Variants in CDH11 observed in about 807,000 individuals in gnomAD.
CDH11 encodes the protein cadherin 11, also known as cadherin-11.
Under a neutral mutation model 67.8 loss-of-function variants are expected in CDH11, and 11 were observed. The ratio of observed to expected loss-of-function variants is 0.16; its 90% confidence interval spans 0.10 to 0.27. The LOEUF is 0.27. Ranked by LOEUF, CDH11 falls within the 10% of genes least tolerant of loss-of-function variation. CDH11 has a pLI of 1.00. For synonymous variants in CDH11, 419 were observed against 400.0 expected (o/e 1.05, Z -0.57); for missense variants, 847 against 1,031.2 (o/e 0.82, Z 2.45).
chr16:65,101,106 C>G (rs2074983395), intron 1 of CDH11, among the ~76,000 whole-genome samples: 1 of 152,134 alleles, frequency 6.6e-6, no homozygotes, highest in Non-Finnish European at 1.5e-5. Context: ...AGCTTTTATC[C>G]ATTACTCAGA....
chr16:64,989,338 T>C (rs1401019101), intron 6 of CDH11, among the ~76,000 whole-genome samples: 1 of 152,038 alleles, frequency 6.6e-6, no homozygotes, highest in African/African-American at 2.4e-5. Context: ...TGAGTTTGTG[T>C]ATGTGTATGA....
chr16:65,064,848 T>C (rs367635378), intron 1 of CDH11, among the ~76,000 whole-genome samples: 2 of 152,212 alleles, frequency 1.3e-5, no homozygotes, highest in East Asian at 1.9e-4. Flanking sequence ...AATGTGATTG[T>C]ATCCAGATAT....
chr16:65,010,971 T>TTA (rs60201838), intron 2 of CDH11, among the ~76,000 whole-genome samples: 38,240 of 127,738 alleles, frequency 0.3, 5,695 homozygotes, highest in Non-Finnish European at 0.38. Flanking sequence ...ATATATGTGT[T>TTA]TATATATATA....
chr16:64,968,339 CTT>C, intron 11 of CDH11: 2 of 671,602 alleles, frequency 3.0e-6, no homozygotes, highest in Non-Finnish European at 3.7e-6. Context: ...TTATCTCAGT[CTT>C]TTTTTTTTCT....
chr16:65,076,899 G>A (rs1451251438), intron 1 of CDH11, among the ~76,000 whole-genome samples: 1 of 152,002 alleles, frequency 6.6e-6, no homozygotes, highest in East Asian at 1.9e-4. Context: ...TGGTGTATAT[G>A]TGCCACATTT....
chr16:64,982,179 T>C lies in CDH11; in HGVS notation c.1122A>G (p.Val374=), dbSNP rs772022085. 4.3e-6 allele frequency: 7 copies of C among 1,614,000 alleles called. No individual in the cohort carries two copies. The highest frequency in any genetic ancestry group is 5.9e-6 in the Non-Finnish European group (7 of 1,180,008). ...ACATAGGGGGCTCATCAGCATCTTCTACTGAGATCTTGACGGTCACAGTGT... is the reference window on the plus strand; with the variant it reads ...ACATAGGGGGCTCATCAGCATCTTCCACTGAGATCTTGACGGTCACAGTGT... ...FKDTVTVKIS[V]EDADEPPMFL... The change falls in exon 8 of 13, where the codon GTA becomes GTG. Residue 374 remains valine, a synonymous_variant. Transcript: ENST00000268603.
chr16:65,060,857 G>A (rs2074227966), intron 1 of CDH11, among the ~76,000 whole-genome samples: 1 of 151,830 alleles, frequency 6.6e-6, no homozygotes, highest in Non-Finnish European at 1.5e-5. Context: ...GTCAGGAGAT[G>A]CCCACATTCC....
intron 8 of CDH11, among the ~76,000 whole-genome samples, chr16:64,975,477 G>C (rs970731884): frequency 1.3e-5 from 2 of 152,192 alleles, no homozygotes; most frequent in Admixed American, 6.5e-5. Context: ...GAGGTGATGA[G>C]AGTGAAGTAC....
chr16:65,048,514 A>G (rs146933824), intron 2 of CDH11, among the ~76,000 whole-genome samples: 1 of 151,914 alleles, frequency 6.6e-6, no homozygotes. Flanking sequence ...AAAAAATGAC[A>G]GGATAAAGAA....
At chr16:65,083,916 C>A (rs1166880591) in intron 1 of CDH11, among the ~76,000 whole-genome samples, 2 of 152,304 alleles carry the variant, frequency 1.3e-5, no homozygotes, top group South Asian at 4.1e-4. Flanking sequence ...CAGAGCTCTT[C>A]AATCAGAGCA....
intron 1 of CDH11, among the ~76,000 whole-genome samples, chr16:65,083,704 G>C (rs1380535191): frequency 6.6e-6 from 1 of 152,188 alleles, no homozygotes; most frequent in Non-Finnish European, 1.5e-5. Context: ...CCTTATAAAG[G>C]ATCTAATCAT....
chr16:65,096,250 G>C (rs1169096657), intron 1 of CDH11, among the ~76,000 whole-genome samples: 2 of 152,070 alleles, frequency 1.3e-5, no homozygotes, highest in East Asian at 3.9e-4. Flanking sequence ...GAATCTGCTA[G>C]CGCCTTGATC....
rs1007527772 is a variant in CDH11 at position 65,121,420 on chromosome 16, C to T, written c.-298+460G>A. Among the ~76,000 whole-genome samples, 2 of 152,176 alleles carry T rather than the reference C, an allele frequency of 1.3e-5. No homozygotes were observed. The highest frequency in any genetic ancestry group is 2.9e-5 in the Non-Finnish European group (2 of 68,034). ...GGGATCCGGGAGGATGGAGTAAGAA[C>T]CCCGCAGAGCGCGGTCATGTCGCCG... On this transcript the variant is annotated intron_variant, in intron 1 of 12. Transcript: ENST00000268603. This position sits in a 1 kb window ranked among gnomAD's most constrained non-coding sequence, Gnocchi z 4.1.
At chr16:65,102,369 C>A (rs2075004937) in intron 1 of CDH11, among the ~76,000 whole-genome samples, 1 of 152,178 alleles carries the variant, frequency 6.6e-6, no homozygotes, top group African/African-American at 2.4e-5. Context: ...GATCATGTCT[C>A]TTGCAACATC....
At chr16:65,102,702 C>A (rs766126416) in intron 1 of CDH11, among the ~76,000 whole-genome samples, 3 of 152,238 alleles carry the variant, frequency 2.0e-5, no homozygotes, top group Non-Finnish European at 4.4e-5. Context: ...GTTAGAGACA[C>A]TGAAGCTTGT....
chr16:64,974,013 C>T (rs35226), intron 8 of CDH11, among the ~76,000 whole-genome samples: 37,825 of 151,976 alleles, frequency 0.25, 5,819 homozygotes, highest in Middle Eastern at 0.36. Flanking sequence ...ATTTTAGTTA[C>T]TCCCACCCAC....
intron 8 of CDH11, among the ~76,000 whole-genome samples, chr16:64,979,029 C>T (rs544756022): frequency 1.1e-4 from 17 of 152,268 alleles, no homozygotes; most frequent in African/African-American, 4.1e-4. Flanking sequence ...TAAGGCCCTA[C>T]CATTCAGAAT....
At chr16:64,957,425 G>A (rs2071544330) in intron 11 of CDH11, among the ~76,000 whole-genome samples, 1 of 152,050 alleles carries the variant, frequency 6.6e-6, no homozygotes, top group Non-Finnish European at 1.5e-5. Context: ...CAGAGAGGAA[G>A]TAGATCTATC....
chr16:65,026,681 T>C (rs1246612392), intron 2 of CDH11, among the ~76,000 whole-genome samples: 1 of 152,062 alleles, frequency 6.6e-6, no homozygotes, highest in Admixed American at 6.6e-5. Flanking sequence ...ACACCAGGGG[T>C]TCCTTTCATA....
Sources: gnomAD v4.1 joint callset for allele counts (sites outside exome capture counted in the v4.1 genomes callset) on GRCh38, gnomAD v4.1.1 for gene constraint, Gnocchi (gnomAD v3.1) non-coding constraint, MANE v1.5 for transcripts, NCBI Gene and HGNC (gene_info 2026-07-23, HGNC 2026-07-21) for gene names.